The following CTSC variants were observed in gnomAD, a reference collection of about 807,000 sequenced individuals.
The protein encoded by CTSC is dipeptidyl peptidase 1.
In CTSC, 37 loss-of-function variants were observed where a neutral mutation model predicts 40.9. The ratio of observed to expected loss-of-function variants is 0.91; its 90% CI spans 0.70 to 1.19. The LOEUF (loss-of-function observed/expected upper bound fraction) is 1.19, where lower values mean the gene tolerates loss of function less well. Ranked by LOEUF, CTSC falls within the 50% of genes most tolerant of loss-of-function variation. The pLI, the probability that CTSC is intolerant of heterozygous loss-of-function variation, is 0.00. For missense variants in CTSC, 594 were observed against 567.3 expected (o/e 1.05, Z -0.48); for synonymous variants, 232 against 207.4 (o/e 1.12, Z -1.02).
intron 6 of CTSC, 110 bp downstream of exon 6, chr11:88,296,023 A>C: frequency 8.6e-7 from 1 of 1,165,158 alleles, no homozygotes; most frequent in Non-Finnish European, 1.3e-6. Context: ...AGATTTTCTG[A>C]CTATAGACAC....
At chr11:88,326,619 C>T (rs1465375230) in intron 2 of CTSC, among the ~76,000 whole-genome samples, 1 of 151,848 alleles carries the variant, frequency 6.6e-6, no homozygotes, top group Non-Finnish European at 1.5e-5. Context: ...CATTCTGAAG[C>T]TAAATGCTTA....
At chr11:88,300,092 G>T (rs1177141720) in intron 5 of CTSC, among the ~76,000 whole-genome samples, 3 of 152,108 alleles carry the variant, frequency 2.0e-5, no homozygotes, top group African/African-American at 4.8e-5. Context: ...AATAATTTAA[G>T]GATTTATTTT....
intron 4 of CTSC, among the ~76,000 whole-genome samples, chr11:88,307,107 A>C (rs558055894): frequency 6.6e-6 from 1 of 152,354 alleles, no homozygotes; most frequent in African/African-American, 2.4e-5. Context: ...TTAATCTATT[A>C]GTAGTTTATT....
chr11:88,337,725 CG>C lies in CTSC; in HGVS notation c.-54del, dbSNP rs1938548173. Reference sequence around the variant, plus strand: ...AGAATTACCAGGAAGCCGAGCGCTGCGGGCTAGCGGTGAGTCCACCACGAGG... The same window carrying C: ...AGAATTACCAGGAAGCCGAGCGCTGCGGCTAGCGGTGAGTCCACCACGAGG... On this transcript the variant is annotated 5_prime_UTR_variant, in exon 1 of 7. Coordinates refer to ENST00000227266, the MANE Select transcript of CTSC (RefSeq NM_001814.6). 1.9e-6 allele frequency: 3 copies of C among 1,545,022 alleles called. No individual in the cohort carries two copies. In the African/African-American group the frequency reaches 4.1e-5, roughly 21 times the overall value.
At chr11:88,326,392 G>A (rs548067410) in intron 2 of CTSC, 7 of 1,614,022 alleles carry the variant, frequency 4.3e-6, no homozygotes, top group Non-Finnish European at 5.9e-6. Flanking sequence ...CCCAACGTCT[G>A]TTCATGGCTG....
Position 88,293,830 on chromosome 11 carries a change from G to A in CTSC, c.*176C>T. 1 of 731,934 alleles carries A rather than the reference G, an allele frequency of 1.4e-6. No homozygotes were observed. Among genetic ancestry groups the A allele is most frequent in the Non-Finnish European group, 2.2e-6 (1 of 445,714 alleles). The allele number at this position is 731,934 out of a possible 1,614,324, so 45.3% of individuals were successfully genotyped here. A position where few individuals can be genotyped will look rare whatever the true frequency, so the allele number is the denominator to read the frequency against. ...TTGAATACTTAGAAAAAAATGGCCA[G>A]TGGCCGATTGAAAGGTATATTAAAA... is the stretch of plus-strand genomic sequence containing the variant. On this transcript the variant is annotated 3_prime_UTR_variant, in exon 7 of 7. Coordinates refer to ENST00000227266, the MANE Select transcript of CTSC (RefSeq NM_001814.6).
intron 3 of CTSC, among the ~76,000 whole-genome samples, chr11:88,310,527 A>C (rs189795324): frequency 2.6e-5 from 4 of 152,222 alleles, no homozygotes; most frequent in African/African-American, 9.6e-5. Context: ...GGCATACTGC[A>C]AACTTTTCTT....
chr11:88,319,141 T>A (rs1937941936), intron 2 of CTSC, among the ~76,000 whole-genome samples: 1 of 152,052 alleles, frequency 6.6e-6, no homozygotes, highest in Non-Finnish European at 1.5e-5. Context: ...CTAACACTCA[T>A]AAAATGAACA....
chr11:88,310,657 G>C (rs914738982), intron 3 of CTSC, among the ~76,000 whole-genome samples: 2 of 152,088 alleles, frequency 1.3e-5, no homozygotes, highest in African/African-American at 2.4e-5. Context: ...TTTTGTCGAA[G>C]TTCTTTCCCA....
At chr11:88,296,871 A>G (rs1263715937) in intron 5 of CTSC, 5 of 156,364 alleles carry the variant, frequency 3.2e-5, no homozygotes, top group Non-Finnish European at 7.1e-5. Flanking sequence ...AACTACTGCC[A>G]TTTCTGATGT....
At chr11:88,309,348 A>G in intron 3 of CTSC, 30 bp from the exon 4 acceptor site, 1 of 1,578,236 alleles carries the variant, frequency 6.3e-7, no homozygotes, top group South Asian at 1.1e-5. Flanking sequence ...AATTTCAGAT[A>G]TAGTCTTTAC....
intron 1 of CTSC, among the ~76,000 whole-genome samples, chr11:88,336,866 A>G (rs985952815): frequency 1.3e-5 from 2 of 152,234 alleles, no homozygotes; most frequent in Non-Finnish European, 2.9e-5. Flanking sequence ...GCCTTCCATG[A>G]GCCAAACATT....
chr11:88,309,077 C>G, intron 4 of CTSC, 86 bp downstream of exon 4: 1 of 1,206,124 alleles, frequency 8.3e-7, no homozygotes, highest in Non-Finnish European at 1.2e-6. Flanking sequence ...AATAAAATGG[C>G]GAGCAACACT....
At chr11:88,327,911 A>C in intron 2 of CTSC, 1 of 592,858 alleles carries the variant, frequency 1.7e-6, no homozygotes, top group Non-Finnish European at 3.0e-6. Context: ...GAACATAATA[A>C]AGTAGAAAAT....
rs745638195 is a variant in CTSC, at chr11:88,334,798, A to G, written c.318+139T>C. ...ATAAAGTGGCAAAATTATACCAACTACTACTACTCTTGGGAAGAGTGGTGT... is the reference window on the plus strand; with the variant it reads ...ATAAAGTGGCAAAATTATACCAACTGCTACTACTCTTGGGAAGAGTGGTGT... On this transcript the variant is annotated intron_variant, in intron 2 of 6. Coordinates refer to ENST00000227266, the MANE Select transcript of CTSC (RefSeq NM_001814.6). 6.1e-5 allele frequency: 41 copies of G among 673,372 alleles called. 1 individual carries two copies. The highest frequency in any genetic ancestry group is 1.1e-4 in the Non-Finnish European group (41 of 380,270). 41.7% of individuals were successfully genotyped at this position (673,372 alleles called of 1,614,324 possible).
intron 2 of CTSC, 57 bp from the exon 3 acceptor site, chr11:88,312,611 C>T: frequency 6.3e-7 from 1 of 1,592,262 alleles, no homozygotes. Flanking sequence ...AATTTCAGGT[C>T]CATTTCCATG....
Position 88,313,799 on chromosome 11 carries a change from GA to G in CTSC, c.319-1246del, listed in dbSNP as rs373639824. 1.7e-4 allele frequency among the ~76,000 whole-genome samples: 26 copies of G among 151,326 alleles called. No homozygotes were observed. In the East Asian group the frequency reaches 2.9e-3, roughly 17 times the overall value. On this transcript the variant is annotated intron_variant, in intron 2 of 6. Transcript: ENST00000227266. ...TGTTGCCTGTAAAATATGGAAAGTA[GA>G]AAAAAAAATCCTCAAAGGTATAAAC... is the stretch of plus-strand genomic sequence containing the variant.
intron 2 of CTSC, chr11:88,326,048 T>C: frequency 9.1e-7 from 1 of 1,095,128 alleles, no homozygotes; most frequent in Non-Finnish European, 1.1e-6. Context: ...AAAAAATCAC[T>C]GTAATAGAAG....
At chr11:88,303,717 G>T (rs750278470) in intron 4 of CTSC, among the ~76,000 whole-genome samples, 12 of 152,168 alleles carry the variant, frequency 7.9e-5, no homozygotes, top group Non-Finnish European at 1.6e-4. Flanking sequence ...GTAGAGATGT[G>T]ACTGGACATA....
Sources: gnomAD v4.1 joint callset for allele counts (sites outside exome capture counted in the v4.1 genomes callset) on GRCh38, gnomAD v4.1.1 for gene constraint, MANE v1.5 for transcripts, NCBI Gene and HGNC (gene_info 2026-07-23, HGNC 2026-07-21) for gene names.